TBC1D32: variants seen among roughly 807,000 people sequenced by gnomAD.
TBC1D32 encodes TBC1 domain family member 32.
In TBC1D32, 151 loss-of-function variants were observed where a neutral mutation model predicts 170.3. The observed-to-expected ratio is 0.89, with a 90% CI of 0.78 to 1.01. The LOEUF is 1.01. TBC1D32 is among the 50% of genes least tolerant of loss of function. The pLI is 0.00. For synonymous variants in TBC1D32, 498 were observed against 488.0 expected, an observed-to-expected ratio of 1.02 and a Z score of -0.27; for missense variants, 1,464 against 1,457.1, an observed-to-expected ratio of 1.00 and a Z score of -0.08.
rs1809812920 is a variant in TBC1D32, at chr6:121,322,068, C to T, written c.156-274G>A. 2.0e-5 allele frequency among the ~76,000 whole-genome samples: 3 copies of T among 151,986 alleles called. No individual in the cohort carries two copies. The South Asian group carries it at 6.2e-4, about 32-fold the overall frequency. The stretch of plus-strand genomic sequence containing the variant: ...GCAGGTTAGAAGTCTCTTTACATTT[C>T]TTTTTTATGCTCCTATCTTTAACAT... On this transcript the variant is annotated intron_variant, in intron 1 of 31. Coordinates refer to ENST00000398212, the MANE Select transcript of TBC1D32 (RefSeq NM_152730.6).
chr6:121,125,826 A>C (rs924595784), intron 26 of TBC1D32, among the ~76,000 whole-genome samples: 2 of 152,188 alleles, frequency 1.3e-5, no homozygotes, highest in Non-Finnish European at 2.9e-5. Flanking sequence ...CAGCAGAAGA[A>C]GCCAGGGCTG....
intron 12 of TBC1D32, among the ~76,000 whole-genome samples, chr6:121,285,767 C>T (rs1176117253): frequency 6.6e-6 from 1 of 152,164 alleles, no homozygotes; most frequent in African/African-American, 2.4e-5. Flanking sequence ...CCTCACACGG[C>T]CAGGTACTCC....
intron 30 of TBC1D32, among the ~76,000 whole-genome samples, chr6:121,101,896 G>T (rs191412011): frequency 6.6e-6 from 1 of 152,188 alleles, no homozygotes; most frequent in East Asian, 1.9e-4. Flanking sequence ...AAAGTCTCAG[G>T]ATACAAAATC....
chr6:121,306,418 A>G (rs1422115857), intron 5 of TBC1D32, among the ~76,000 whole-genome samples: 2 of 152,166 alleles, frequency 1.3e-5, no homozygotes. Context: ...GAGGGTGAAG[A>G]TTTTGTGTCC....
intron 14 of TBC1D32, among the ~76,000 whole-genome samples, chr6:121,280,924 A>T (rs978461130): frequency 2.0e-5 from 3 of 151,912 alleles, no homozygotes; most frequent in Admixed American, 2.0e-4. Flanking sequence ...AGCTTAAGTC[A>T]TACAAGTAGA....
chr6:121,287,478 T>C (rs1305952577), intron 12 of TBC1D32, among the ~76,000 whole-genome samples: 2 of 152,114 alleles, frequency 1.3e-5, no homozygotes, highest in South Asian at 2.1e-4. Context: ...ATGCACCCAA[T>C]ACAGGAGCAC....
chr6:121,160,524 CA>C (rs146648827), intron 23 of TBC1D32, among the ~76,000 whole-genome samples: 1,881 of 147,556 alleles, frequency 0.013, 38 homozygotes, highest in African/African-American at 0.043. Flanking sequence ...ACAATGAAAA[CA>C]AATGAAAAAC....
At chr6:121,318,983 T>A (rs78935400) in intron 2 of TBC1D32, among the ~76,000 whole-genome samples, 4,909 of 150,472 alleles carry the variant, frequency 0.033, 192 homozygotes, top group East Asian at 0.12. Context: ...AATCATAGAC[T>A]GAGATTTTAT....
intron 22 of TBC1D32, chr6:121,170,668 T>G (rs1786851503): frequency 1.8e-6 from 1 of 559,160 alleles, no homozygotes; most frequent in Non-Finnish European, 2.7e-6. Flanking sequence ...TCAGATATAT[T>G]TTTAATAAAT....
In TBC1D32 at chr6:121,175,038, A is replaced by AC. The variant is rs1425929213; in HGVS notation, c.2571-13983dup. ...CAGACCTTGTCAAAAAAAAAAAAAA[A>AC]CTGATAAGATTTCCTGGTGAACTAA... On this transcript the variant is annotated intron_variant, in intron 22 of 31. Coordinates refer to ENST00000398212, the MANE Select transcript of TBC1D32 (RefSeq NM_152730.6). Among the ~76,000 whole-genome samples the AC allele has an allele frequency of 2.0e-3, 297 of 150,056 alleles. 1 individual carries two copies. Among genetic ancestry groups the AC allele is most frequent in the African/African-American group, 7.0e-3 (286 of 40,664 alleles).
intron 17 of TBC1D32, among the ~76,000 whole-genome samples, chr6:121,242,858 T>C (rs2128365433): frequency 6.6e-6 from 1 of 152,228 alleles, no homozygotes; most frequent in South Asian, 2.1e-4. Flanking sequence ...CATATATTTA[T>C]AAAACTAAAA....
chr6:121,189,437 TTTAAATA>T (rs1045484582), intron 22 of TBC1D32, among the ~76,000 whole-genome samples: 6 of 150,686 alleles, frequency 4.0e-5, no homozygotes, highest in African/African-American at 1.5e-4. Flanking sequence ...TAATTTTATA[TTTAAATA>T]TTAAATATTA....
chr6:121,255,440 TTACTG>T, intron 16 of TBC1D32, 30 bp from the exon 17 acceptor site: 1 of 976,426 alleles, frequency 1.0e-6, no homozygotes, highest in Non-Finnish European at 1.5e-6. Context: ...TTTATATTGC[TTACTG>T]ATAGCACTAG....
intron 12 of TBC1D32, among the ~76,000 whole-genome samples, chr6:121,287,851 C>T (rs1245269938): frequency 6.6e-6 from 1 of 152,172 alleles, no homozygotes; most frequent in Non-Finnish European, 1.5e-5. Context: ...AGGAAACTCA[C>T]TCAAAACCGC....
Position 121,083,748 on chromosome 6 carries a change from G to T in TBC1D32, c.3655-2858C>A, listed in dbSNP as rs563671653. 3.9e-5 allele frequency among the ~76,000 whole-genome samples: 6 copies of T among 152,188 alleles called. No individual in the cohort carries two copies. In the East Asian group the frequency reaches 1.2e-3, roughly 29 times the overall value. On this transcript the variant is annotated intron_variant, in intron 31 of 31. Coordinates refer to ENST00000398212, the MANE Select transcript of TBC1D32 (RefSeq NM_152730.6). ...AAAGGGTTTGAATTCTCCTATGTTA[G>T]TTACTAGATGTATGAACTTGGGTAA...
At chr6:121,277,998 T>C (rs776920763) in intron 15 of TBC1D32, among the ~76,000 whole-genome samples, 11 of 152,060 alleles carry the variant, frequency 7.2e-5, no homozygotes, top group Non-Finnish European at 1.5e-4. Flanking sequence ...TGCCCACAGA[T>C]TTGATAATTT....
At chr6:121,242,472 T>C (rs1583361244) in intron 17 of TBC1D32, 133 bp from the exon 18 acceptor site, 1 of 740,102 alleles carries the variant, frequency 1.4e-6, no homozygotes, top group East Asian at 3.1e-5. Context: ...AATTAATCAA[T>C]AAAGGTTTAA....
Position 121,300,693 on chromosome 6 carries a change from C to T in TBC1D32, c.1081-1188G>A, listed in dbSNP as rs552434736. On this transcript the variant is annotated intron_variant, in intron 9 of 31. Coordinates refer to ENST00000398212, the MANE Select transcript of TBC1D32 (RefSeq NM_152730.6). ...CAAAAGCCAAAATTGACAAATGGGA[C>T]CTGATTAAACTAAAGAGCTTCTGCA... 5.3e-5 allele frequency among the ~76,000 whole-genome samples: 8 copies of T among 152,106 alleles called. No homozygotes were observed. The Middle Eastern group carries it at 0.01, about 194-fold the overall frequency.
intron 22 of TBC1D32, among the ~76,000 whole-genome samples, chr6:121,179,944 G>A (rs79752117): frequency 0.024 from 3,654 of 152,112 alleles, 160 homozygotes; most frequent in East Asian, 0.12. Context: ...TGCTTCCAGT[G>A]TCCATGCTCT....
Sources: allele counts gnomAD v4.1 joint callset (sites outside exome capture counted in the v4.1 genomes callset), GRCh38; gene constraint gnomAD v4.1.1; transcripts MANE v1.5; gene names NCBI Gene and HGNC (gene_info 2026-07-23, HGNC 2026-07-21).